NAALADL2: variants seen among roughly 807,000 people sequenced by gnomAD.
The protein encoded by NAALADL2 is inactive N-acetylated-alpha-linked acidic dipeptidase-like protein 2.
In NAALADL2, 76 loss-of-function variants were observed where a neutral mutation model predicts 87.2. That is an observed-to-expected ratio of 0.87 (90% CI 0.72 to 1.05). The LOEUF (loss-of-function observed/expected upper bound fraction) is 1.05, where lower values mean the gene tolerates loss of function less well. Ranked by LOEUF, NAALADL2 falls within the 50% of genes least tolerant of loss-of-function variation. The pLI is 0.00. For synonymous variants in NAALADL2, 354 were observed against 331.0 expected, an observed-to-expected ratio of 1.07 and a Z score of -0.75; for missense variants, 1,089 against 945.8, an observed-to-expected ratio of 1.15 and a Z score of -1.99.
intron 13 of NAALADL2, among the ~76,000 whole-genome samples, chr3:175,774,239 TTA>T (rs1041089987): frequency 1.3e-5 from 2 of 152,086 alleles, no homozygotes; most frequent in Non-Finnish European, 2.9e-5. Flanking sequence ...TATAAGATAT[TTA>T]TATGCTTTCC....
intron 1 of NAALADL2, among the ~76,000 whole-genome samples, chr3:174,957,775 T>A (rs115760477): frequency 0.038 from 5,822 of 152,020 alleles, 220 homozygotes; most frequent in African/African-American, 0.098. Context: ...TTCAAGAGAA[T>A]AAGATAGTTC....
intron 11 of NAALADL2, among the ~76,000 whole-genome samples, chr3:175,682,984 C>A (rs1735790894): frequency 6.6e-6 from 1 of 151,862 alleles, no homozygotes; most frequent in Non-Finnish European, 1.5e-5. Context: ...TAAAAGTCAA[C>A]AAGCTGAACA....
intron 1 of NAALADL2, among the ~76,000 whole-genome samples, chr3:174,913,745 TTCTC>T (rs1232761702): frequency 2.6e-5 from 4 of 152,206 alleles, no homozygotes; most frequent in Non-Finnish European, 4.4e-5. Flanking sequence ...TTTCTGTTCT[TTCTC>T]TATATCTGCT....
At chr3:175,577,852 TAACCTATA>T (rs1273184918) in intron 10 of NAALADL2, among the ~76,000 whole-genome samples, 2 of 152,170 alleles carry the variant, frequency 1.3e-5, no homozygotes, top group African/African-American at 4.8e-5. Flanking sequence ...CTTTCTGTGT[TAACCTATA>T]ATAGATATTG....
At chr3:174,689,808 T>C (rs779961019) in intron 2 of NAALADL2, among the ~76,000 whole-genome samples, 6 of 152,098 alleles carry the variant, frequency 3.9e-5, no homozygotes, top group Non-Finnish European at 7.3e-5. Context: ...GAAAATACAG[T>C]TTAGGAAAAC....
At chr3:175,663,954 T>G (rs2149818756) in intron 11 of NAALADL2, among the ~76,000 whole-genome samples, 1 of 152,168 alleles carries the variant, frequency 6.6e-6, no homozygotes, top group African/African-American at 2.4e-5. Context: ...TGATTAATCC[T>G]TTTGAGACAA....
At chr3:174,969,192 T>A (rs1743274630) in intron 1 of NAALADL2, among the ~76,000 whole-genome samples, 1 of 152,140 alleles carries the variant, frequency 6.6e-6, no homozygotes, top group Non-Finnish European at 1.5e-5. Context: ...CCCAGAGACC[T>A]AGTTCTCCCA....
chr3:175,648,106 A>G (rs1218510517), intron 11 of NAALADL2, among the ~76,000 whole-genome samples: 1 of 152,158 alleles, frequency 6.6e-6, no homozygotes, highest in African/African-American at 2.4e-5. Context: ...TGCTTTAGGT[A>G]TGTTTCTGAA....
At chr3:174,801,621 G>C (rs1718841383) in intron 3 of NAALADL2, among the ~76,000 whole-genome samples, 1 of 152,048 alleles carries the variant, frequency 6.6e-6, no homozygotes, top group African/African-American at 2.4e-5. Flanking sequence ...GGTGATATTA[G>C]CCATTTTATT....
intron 10 of NAALADL2, among the ~76,000 whole-genome samples, chr3:175,589,255 ATAT>A (rs1471246077): frequency 6.6e-6 from 1 of 152,144 alleles, no homozygotes. Context: ...TATAAATAAA[ATAT>A]TATACCAGAA....
intron 7 of NAALADL2, among the ~76,000 whole-genome samples, chr3:175,465,893 A>G (rs540300259): frequency 1.3e-5 from 2 of 152,320 alleles, no homozygotes; most frequent in South Asian, 4.1e-4. Flanking sequence ...TCAAAGGGTG[A>G]TTCATTTATT....
At chr3:175,288,529 T>G (rs35609861) in intron 4 of NAALADL2, among the ~76,000 whole-genome samples, 56,095 of 152,024 alleles carry the variant, frequency 0.37, 12,887 homozygotes, top group Non-Finnish European at 0.49. Flanking sequence ...ATCAAAAATC[T>G]TGTCTATTTA....
chr3:175,309,045 A>AT (rs1389209354), intron 4 of NAALADL2, among the ~76,000 whole-genome samples: 2 of 152,206 alleles, frequency 1.3e-5, no homozygotes, highest in Non-Finnish European at 2.9e-5. Context: ...TAATTATACA[A>AT]TTAAATACAT....
At chr3:175,423,502 C>T (rs1581822580) in intron 5 of NAALADL2, among the ~76,000 whole-genome samples, 1 of 149,196 alleles carries the variant, frequency 6.7e-6, no homozygotes, top group Non-Finnish European at 1.5e-5. Context: ...CACCTATGAG[C>T]GAGAACATGC....
At chr3:175,102,241 C>G (rs1223001512) in intron 2 of NAALADL2, among the ~76,000 whole-genome samples, 1 of 152,090 alleles carries the variant, frequency 6.6e-6, no homozygotes, top group Non-Finnish European at 1.5e-5. Flanking sequence ...TTTAATTATT[C>G]CCTTCTGATG....
At chr3:174,683,544 T>C (rs952809418) in intron 2 of NAALADL2, among the ~76,000 whole-genome samples, 1 of 152,028 alleles carries the variant, frequency 6.6e-6, no homozygotes, top group Admixed American at 6.6e-5. Flanking sequence ...AAAACTTCAG[T>C]TCACTAATAT....
chr3:174,625,771 T>C (rs1213351705), intron 2 of NAALADL2, among the ~76,000 whole-genome samples: 1 of 152,036 alleles, frequency 6.6e-6, no homozygotes, highest in East Asian at 1.9e-4. Context: ...AAAAAATGTT[T>C]ACAATATGTT....
chr3:174,456,284 C>T (rs1034779606), intron 1 of NAALADL2, among the ~76,000 whole-genome samples: 1 of 151,838 alleles, frequency 6.6e-6, no homozygotes, highest in African/African-American at 2.4e-5. Flanking sequence ...ACCATACTGC[C>T]CAAAGCAATT....
At chr3:175,683,682 G>T (rs900933626) in intron 11 of NAALADL2, among the ~76,000 whole-genome samples, 2 of 151,944 alleles carry the variant, frequency 1.3e-5, no homozygotes, top group African/African-American at 4.8e-5. Context: ...TTGAATAAAT[G>T]AGTTAAATTT....
Sources: allele counts gnomAD v4.1 joint callset (sites outside exome capture counted in the v4.1 genomes callset), GRCh38; gene constraint gnomAD v4.1.1; transcripts MANE v1.5; gene names NCBI Gene and HGNC (gene_info 2026-07-23, HGNC 2026-07-21).